Variants in FAM149A observed in about 807,000 individuals in gnomAD.
FAM149A encodes protein FAM149A.
In FAM149A, 71 loss-of-function variants were observed where a neutral mutation model predicts 78.2. That is an observed-to-expected ratio of 0.91 (90% confidence interval 0.75 to 1.11). FAM149A has a LOEUF of 1.11. Among genes scored for constraint, FAM149A ranks in the 50% least tolerant of loss-of-function variants. The probability of loss-of-function intolerance (pLI) is 0.00; values close to 1 mark genes in which losing one functional copy is unlikely to be tolerated. For synonymous variants in FAM149A, 446 were observed against 410.5 expected (o/e 1.09, Z -1.04); for missense variants, 1,036 against 971.0 (o/e 1.07, Z -0.89).
At chr4:186,128,651 T>C (rs1403716890) in intron 1 of FAM149A, among the ~76,000 whole-genome samples, 1 of 152,222 alleles carries the variant, frequency 6.6e-6, no homozygotes, top group Non-Finnish European at 1.5e-5. Flanking sequence ...TTTTTTGAAA[T>C]TCAAGGTCCA....
chr4:186,105,766 C>T (rs927948857), intron 1 of FAM149A, 124 bp downstream of exon 1: 1 of 596,892 alleles, frequency 1.7e-6, no homozygotes, highest in African/African-American at 2.0e-5. Flanking sequence ...TTTCATAACC[C>T]CCTGGGCACC....
In FAM149A at chr4:186,164,455, G is replaced by A. The variant is rs138037768; in HGVS notation, c.1889+822G>A. 1,754 of 985,340 alleles carry A rather than the reference G, an allele frequency of 1.8e-3. 19 individuals are homozygous for A. The African/African-American group carries it at 0.028, about 16-fold the overall frequency. The allele number at this position is 985,340 out of a possible 1,614,324, so 61.0% of individuals were successfully genotyped here. On this transcript the variant is annotated intron_variant, in intron 10 of 13. Transcript: ENST00000389354. The surrounding 1 kb of genome is among the most constrained non-coding windows in gnomAD (Gnocchi z 4.0). ...TCAGGAGCCGAGCTCAGGAGCGGGC[G>A]GCTGCCAACGCTTACCTGGCACCCA...
chr4:186,119,966 C>T (rs1022930778), intron 1 of FAM149A, among the ~76,000 whole-genome samples: 1 of 152,150 alleles, frequency 6.6e-6, no homozygotes. Flanking sequence ...TAAGGAACTA[C>T]AGTTTGAATA....
chr4:186,131,073 C>T (rs1299043941), intron 1 of FAM149A, among the ~76,000 whole-genome samples: 2 of 152,074 alleles, frequency 1.3e-5, no homozygotes, highest in Non-Finnish European at 2.9e-5. Context: ...GAAGGGCAGG[C>T]GCAGTGGCTC....
intron 1 of FAM149A, chr4:186,130,285 C>CTATATA (rs1446324496): frequency 9.9e-5 from 4 of 40,338 alleles, no homozygotes; most frequent in East Asian, 1.8e-3. Context: ...CTCTCTCTCT[C>CTATATA]TCTCTCTCTA....
At chr4:186,122,419 A>C (rs908520797) in intron 1 of FAM149A, among the ~76,000 whole-genome samples, 1 of 152,238 alleles carries the variant, frequency 6.6e-6, no homozygotes, top group Non-Finnish European at 1.5e-5. Flanking sequence ...TAGTTTTAAG[A>C]AACTGTCATT....
intron 1 of FAM149A, among the ~76,000 whole-genome samples, chr4:186,141,834 C>T (rs908941370): frequency 6.6e-6 from 1 of 152,136 alleles, no homozygotes; most frequent in African/African-American, 2.4e-5. Flanking sequence ...AGAATTGGCC[C>T]CCGGCAGTCT....
chr4:186,123,388 G>A, intron 1 of FAM149A: 1 of 985,068 alleles, frequency 1.0e-6, no homozygotes, highest in Non-Finnish European at 1.2e-6. Flanking sequence ...ATGTGCTGAT[G>A]TTGGGAGACA....
intron 8 of FAM149A, chr4:186,158,556 G>A (rs1378369097): frequency 3.3e-6 from 3 of 918,366 alleles, no homozygotes; most frequent in South Asian, 9.0e-5. Context: ...CCAAGGGGGA[G>A]TTTCAGGGGA....
chr4:186,128,481 A>T (rs2099319304), intron 1 of FAM149A, among the ~76,000 whole-genome samples: 1 of 151,944 alleles, frequency 6.6e-6, no homozygotes, highest in Non-Finnish European at 1.5e-5. Context: ...TATAAAAAAA[A>T]AAACCAAAAA....
Position 186,151,934 on chromosome 4 carries a change from A to T in FAM149A, c.821A>T (p.Gln274Leu), listed in dbSNP as rs765417973. 1 of 1,614,186 alleles carries T rather than the reference A, an allele frequency of 6.2e-7. No individual in the cohort carries two copies. Among genetic ancestry groups the T allele is most frequent in the Non-Finnish European group, 8.5e-7 (1 of 1,180,020 alleles). ...GACGAAGCCAGTTCACAGTCAGTGC[A>T]GCGGTTACTCTGGGAGGTGGAGGAA... Residue 274 changes from glutamine to leucine, a missense_variant, in exon 4 of 14, where the codon CAG (glutamine) becomes CTG (leucine). By Grantham distance (113) the Gln-to-Leu change is moderately radical. Transcript: ENST00000389354.
chr4:186,166,799 A>G (rs1735069824), intron 11 of FAM149A, among the ~76,000 whole-genome samples, 169 bp from the exon 12 acceptor site: 1 of 152,146 alleles, frequency 6.6e-6, no homozygotes, highest in Non-Finnish European at 1.5e-5. Context: ...GCAGTTACAT[A>G]ATCAAAATAT....
At chr4:186,160,746 A>T (rs547601225) in intron 8 of FAM149A, 2 of 956,428 alleles carry the variant, frequency 2.1e-6, no homozygotes, top group Non-Finnish European at 2.5e-6. Context: ...CACACACACC[A>T]CACCACACCA....
At chr4:186,155,239 T>A (rs973108709) in intron 6 of FAM149A, among the ~76,000 whole-genome samples, 1 of 152,234 alleles carries the variant, frequency 6.6e-6, no homozygotes, top group Non-Finnish European at 1.5e-5. Context: ...GTGCTGGGAT[T>A]ACAGGCGTGA....
intron 8 of FAM149A, among the ~76,000 whole-genome samples, chr4:186,161,211 G>A (rs749854158): frequency 1.3e-5 from 2 of 152,114 alleles, no homozygotes; most frequent in African/African-American, 4.8e-5. Flanking sequence ...CACAGAGTAG[G>A]GTAAGATATG....
rs1488825678 is a variant in FAM149A at position 186,144,362 on chromosome 4, C to A, written c.567-4811C>A. The A allele has an allele frequency of 1.3e-5, 2 of 152,252 alleles. No individual in the cohort carries two copies. The highest frequency in any genetic ancestry group is 2.4e-5 in the African/African-American group (1 of 41,452). The allele number at this position is 152,252 out of a possible 1,614,324, so 9.4% of individuals were successfully genotyped here. ...GGCAGGACGGGCGTGGAAGGGTCCACGTCTTTAGTATGCATGCTTAGATCT... is the reference window on the plus strand; with the variant it reads ...GGCAGGACGGGCGTGGAAGGGTCCAAGTCTTTAGTATGCATGCTTAGATCT... On this transcript the variant is annotated intron_variant, in intron 1 of 13. Transcript: ENST00000389354. This position sits in a 1 kb window ranked among gnomAD's most constrained non-coding sequence, Gnocchi z 4.2.
In FAM149A at chr4:186,105,376, C is replaced by T. The variant is rs1433818429; in HGVS notation, c.300C>T (p.Ser100=). The T allele has an allele frequency of 3.4e-6, 4 of 1,185,396 alleles. No individual in the cohort carries two copies. The highest frequency in any genetic ancestry group is 7.6e-5 in the Admixed American group (2 of 26,406). The allele number at this position is 1,185,396 out of a possible 1,614,324, so 73.4% of individuals were successfully genotyped here. A position where few individuals can be genotyped will look rare whatever the true frequency, so the allele number is the denominator to read the frequency against. The change falls in exon 1 of 14, where the codon AGC becomes AGT. Residue 100 remains serine, a synonymous_variant. Coordinates refer to ENST00000389354, the MANE Select transcript of FAM149A (RefSeq NM_001367768.3). The stretch of plus-strand genomic sequence containing the variant: ...GGACCCTGCTCTCTTGGCCCAGTAG[C>T]CCTAGAGCGGGTAAAGCCCCGCCCC...
intron 3 of FAM149A, among the ~76,000 whole-genome samples, chr4:186,150,651 C>T (rs548053637): frequency 2.7e-5 from 4 of 146,126 alleles, no homozygotes; most frequent in African/African-American, 1.0e-4. Flanking sequence ...GATCTCCTGA[C>T]CTCGTGATCC....
chr4:186,135,347 A>G (rs1263855507), intron 1 of FAM149A, among the ~76,000 whole-genome samples: 1 of 152,190 alleles, frequency 6.6e-6, no homozygotes, highest in Admixed American at 6.5e-5. Flanking sequence ...ATTTATGAAG[A>G]CATTGTGTTG....
Sources: allele counts gnomAD v4.1 joint callset (sites outside exome capture counted in the v4.1 genomes callset), GRCh38; gene constraint gnomAD v4.1.1; non-coding constraint Gnocchi (gnomAD v3.1); transcripts MANE v1.5; gene names NCBI Gene and HGNC (gene_info 2026-07-23, HGNC 2026-07-21).